The following ROCK2 variants were observed in gnomAD, a reference collection of about 807,000 sequenced individuals.
ROCK2 encodes the protein Rho associated coiled-coil containing protein kinase 2.
ROCK2 carries 61 observed loss-of-function variants against 195.1 expected under a neutral mutation model. The observed-to-expected ratio is 0.31, with a 90% CI of 0.25 to 0.39. ROCK2 has a LOEUF of 0.39. ROCK2 is among the 10% of genes least tolerant of loss of function. The probability of loss-of-function intolerance (pLI) is 1.00; values close to 1 mark genes in which losing one functional copy is unlikely to be tolerated. For synonymous variants in ROCK2, 504 were observed against 545.5 expected, an observed-to-expected ratio of 0.92 and a Z score of 1.06; for missense variants, 1,109 against 1,637.4, an observed-to-expected ratio of 0.68 and a Z score of 5.57.
intron 1 of ROCK2, among the ~76,000 whole-genome samples, chr2:11,328,773 T>C (rs1668624716): frequency 6.6e-6 from 1 of 152,132 alleles, no homozygotes; most frequent in South Asian, 2.1e-4. Context: ...TGTACAGACA[T>C]GGATGAAATT....
rs535915394 is a variant in ROCK2, at chr2:11,206,110, C to CA, written c.2549+1615dup. Among the ~76,000 whole-genome samples, 377 of 139,464 alleles carry CA rather than the reference C, an allele frequency of 2.7e-3. 1 individual carries two copies. Among genetic ancestry groups the CA allele is most frequent in the African/African-American group, 7.8e-3 (298 of 38,168 alleles). 91.5% of individuals were successfully genotyped at this position (139,464 alleles called of 152,430 possible). A position where few individuals can be genotyped will look rare whatever the true frequency, so the allele number is the denominator to read the frequency against. On this transcript the variant is annotated intron_variant, in intron 20 of 32. Transcript: ENST00000315872. ...TGCAACAAGAGTGAAACTCCATCTC[C>CA]AAAAAAAAAAAGGACTGGGGAGAAC...
At chr2:11,342,680 G>A (rs942323682) in intron 1 of ROCK2, among the ~76,000 whole-genome samples, 1 of 152,160 alleles carries the variant, frequency 6.6e-6, no homozygotes, top group Non-Finnish European at 1.5e-5. Flanking sequence ...ATCCATGCAA[G>A]CAATCTTACT....
chr2:11,270,851 C>A (rs1447012406), intron 3 of ROCK2, among the ~76,000 whole-genome samples: 1 of 152,174 alleles, frequency 6.6e-6, no homozygotes, highest in Non-Finnish European at 1.5e-5. Context: ...TGCTTACTGT[C>A]TCTTCAAAAT....
intron 3 of ROCK2, among the ~76,000 whole-genome samples, chr2:11,269,930 T>C (rs949712582): frequency 6.6e-6 from 1 of 152,170 alleles, no homozygotes; most frequent in Non-Finnish European, 1.5e-5. Context: ...ATTTTTAATT[T>C]TCTCGTAGAG....
intron 3 of ROCK2, among the ~76,000 whole-genome samples, chr2:11,251,269 A>G (rs1469757312): frequency 6.6e-6 from 1 of 152,256 alleles, no homozygotes; most frequent in African/African-American, 2.4e-5. Context: ...GTTTGGTTCA[A>G]TGTTTAATCC....
chr2:11,308,046 C>T, intron 1 of ROCK2: 3 of 1,595,058 alleles, frequency 1.9e-6, no homozygotes, highest in Non-Finnish European at 2.6e-6. Flanking sequence ...GACCCGGAGT[C>T]TGCTGCAGCG....
At chr2:11,294,576 C>T (rs1431948423) in intron 1 of ROCK2, among the ~76,000 whole-genome samples, 8 of 151,796 alleles carry the variant, frequency 5.3e-5, no homozygotes, top group Admixed American at 1.3e-4. Context: ...GGTATTGGGC[C>T]CAATGCTGCT....
chr2:11,280,173 G>A (rs891868558), intron 3 of ROCK2, among the ~76,000 whole-genome samples: 14 of 151,790 alleles, frequency 9.2e-5, no homozygotes, highest in Admixed American at 3.3e-4. Flanking sequence ...TAGAAAACAA[G>A]AATACACAAA....
chr2:11,235,675 A>C lies in ROCK2; in HGVS notation c.723+27T>G. ...ATTTATTTCTGTCCCTCAAAACACT[A>C]TCGTTTTAAATAATTTGCTTACTTA... On this transcript the variant is annotated intron_variant, in intron 5 of 32. Transcript: ENST00000315872. The surrounding 1 kb of genome is among the most constrained non-coding windows in gnomAD (Gnocchi z 4.2). 6.3e-7 allele frequency: 1 copy of C among 1,580,394 alleles called. No homozygotes were observed. The highest frequency in any genetic ancestry group is 2.2e-5 in the East Asian group (1 of 44,588).
chr2:11,212,118 C>T (rs1413612944), intron 17 of ROCK2, among the ~76,000 whole-genome samples: 1 of 151,890 alleles, frequency 6.6e-6, no homozygotes, highest in Non-Finnish European at 1.5e-5. Context: ...TCTCATTAAA[C>T]ACTGCCTACA....
At chr2:11,234,724 A>G (rs1665143976) in intron 5 of ROCK2, 1 of 152,118 alleles carries the variant, frequency 6.6e-6, no homozygotes, top group African/African-American at 2.4e-5. Flanking sequence ...TTATGACATT[A>G]AAGAATGATC....
At chr2:11,303,116 G>T (rs1667757003) in intron 1 of ROCK2, among the ~76,000 whole-genome samples, 2 of 152,128 alleles carry the variant, frequency 1.3e-5, no homozygotes, top group South Asian at 4.1e-4. Context: ...ATGTCTACTT[G>T]TTCAAATTTT....
intron 7 of ROCK2, among the ~76,000 whole-genome samples, chr2:11,223,618 A>T (rs1664709901): frequency 6.6e-6 from 1 of 152,178 alleles, no homozygotes; most frequent in South Asian, 2.1e-4. Flanking sequence ...AAAAAGTAAA[A>T]ATAATTTCCC....
At chr2:11,341,539 T>TA (rs1328911278) in intron 1 of ROCK2, among the ~76,000 whole-genome samples, 2 of 152,210 alleles carry the variant, frequency 1.3e-5, no homozygotes, top group African/African-American at 4.8e-5. Flanking sequence ...CCTAGCCCAC[T>TA]GAAAGCATCA....
chr2:11,248,214 T>G (rs572335916), intron 4 of ROCK2, among the ~76,000 whole-genome samples: 2,489 of 88,392 alleles, frequency 0.028, 23 homozygotes, highest in Non-Finnish European at 0.038. Context: ...GGGTTTTTTT[T>G]GGGGGGGGAT....
Position 11,183,167 on chromosome 2 carries a change from GC to G in ROCK2, c.*269del. 2.9e-6 allele frequency: 1 copy of G among 350,296 alleles called. No individual in the cohort carries two copies. The highest frequency in any genetic ancestry group is 5.3e-6 in the Non-Finnish European group (1 of 189,076). The allele number at this position is 350,296 out of a possible 1,614,324, so 21.7% of individuals were successfully genotyped here. On this transcript the variant is annotated 3_prime_UTR_variant, in exon 33 of 33. Coordinates refer to ENST00000315872, the MANE Select transcript of ROCK2 (RefSeq NM_004850.5). ...TGTGTGCATTGTAGTGTGAGCGACT[GC>G]CGAGAGAGCTTTATGGAAAAGTCTG...
In ROCK2 at chr2:11,201,302, A is replaced by G; in HGVS notation, c.2723+8T>C. ...ATGAACAAAAAGAGACAAGGGTCTC[A>G]TACTTACCGTTCATCCTGTAATTCC... On this transcript the variant is annotated splice_region_variant and intron_variant, in intron 22 of 32. Transcript: ENST00000315872. The surrounding 1 kb of genome is among the most constrained non-coding windows in gnomAD (Gnocchi z 4.6). 1 of 1,590,896 alleles carries G rather than the reference A, an allele frequency of 6.3e-7. No homozygotes were observed. Among genetic ancestry groups the G allele is most frequent in the East Asian group, 2.2e-5 (1 of 44,756 alleles).
At chr2:11,309,531 T>C (rs1409555521) in intron 1 of ROCK2, among the ~76,000 whole-genome samples, 1 of 152,222 alleles carries the variant, frequency 6.6e-6, no homozygotes, top group African/African-American at 2.4e-5. Flanking sequence ...AAAATTTGAA[T>C]TTCCAATAGA....
intron 1 of ROCK2, among the ~76,000 whole-genome samples, chr2:11,293,543 A>G (rs1453793712): frequency 6.6e-6 from 1 of 152,246 alleles, no homozygotes; most frequent in Non-Finnish European, 1.5e-5. Context: ...TCAGGCTCTA[A>G]CATGGCTCAG....
Sources: gnomAD v4.1 joint callset for allele counts (sites outside exome capture counted in the v4.1 genomes callset) on GRCh38, gnomAD v4.1.1 for gene constraint, Gnocchi (gnomAD v3.1) non-coding constraint, MANE v1.5 for transcripts, NCBI Gene and HGNC (gene_info 2026-07-23, HGNC 2026-07-21) for gene names.